The following SMYD4 variants were observed in gnomAD, a reference collection of about 807,000 sequenced individuals.
The protein encoded by SMYD4 is SET and MYND domain containing 4.
A neutral mutation model predicts 72.8 loss-of-function variants in SMYD4; 68 were observed. The ratio of observed to expected loss-of-function variants is 0.93; its 90% CI spans 0.77 to 1.14. The LOEUF (loss-of-function observed/expected upper bound fraction) is 1.14, where lower values mean the gene tolerates loss of function less well. Ranked by LOEUF, SMYD4 falls within the 50% of genes most tolerant of loss-of-function variation. The pLI, the probability that SMYD4 is intolerant of heterozygous loss-of-function variation, is 0.00. For synonymous variants in SMYD4, 407 were observed against 388.6 expected (o/e 1.05, Z -0.56); for missense variants, 984 against 1,003.7 (o/e 0.98, Z 0.27).
rs147436156 is a variant in SMYD4 at position 1,800,110 on chromosome 17, A to G, written c.1284T>C (p.Leu428=). The change falls in exon 5 of 11, where the codon CTT becomes CTC. Residue 428 remains leucine, a synonymous_variant. Transcript: ENST00000305513. ...GGCTATGGTTTTCAGTGTGGGGCAA[A>G]AGGTTGAAGACAGCATTATAATTAT... The part of the protein sequence containing the change: ...YENNYNAVFN[L]LPHTENHSPE... The G allele has an allele frequency of 2.5e-6, 4 of 1,610,982 alleles. No individual in the cohort carries two copies. In the African/African-American group the frequency reaches 5.3e-5, roughly 22 times the overall value.
At chr17:1,815,682 G>A (rs1160180141) in intron 2 of SMYD4, among the ~76,000 whole-genome samples, 1 of 145,638 alleles carries the variant, frequency 6.9e-6, no homozygotes, top group Admixed American at 7.0e-5. Context: ...AATTGAGGTA[G>A]TAAGATGGAA....
chr17:1,804,831 A>G (rs984741932), intron 3 of SMYD4, 116 bp from the exon 4 acceptor site: 3 of 970,828 alleles, frequency 3.1e-6, no homozygotes, highest in Admixed American at 2.1e-5. Context: ...AAAGTTACTG[A>G]ACCTCTTTGT....
intron 3 of SMYD4, among the ~76,000 whole-genome samples, chr17:1,809,386 T>A (rs930612355): frequency 7.2e-4 from 110 of 151,756 alleles, no homozygotes; most frequent in Middle Eastern, 3.4e-3. Flanking sequence ...TTATTATTTT[T>A]TTTTTTGAGA....
intron 5 of SMYD4, among the ~76,000 whole-genome samples, chr17:1,797,865 G>C (rs12944964): frequency 0.34 from 51,803 of 151,830 alleles, 11,367 homozygotes; most frequent in Non-Finnish European, 0.5. Context: ...AGCTGGGCGT[G>C]GGGGTGCACG....
At chr17:1,812,790 C>G (rs1910401210) in intron 2 of SMYD4, among the ~76,000 whole-genome samples, 1 of 152,008 alleles carries the variant, frequency 6.6e-6, no homozygotes, top group African/African-American at 2.4e-5. Context: ...CTCAAATGGT[C>G]CACCTGCCTC....
chr17:1,787,765 G>A (rs1367562521), intron 5 of SMYD4, among the ~76,000 whole-genome samples, 161 bp from the exon 6 acceptor site: 3 of 152,168 alleles, frequency 2.0e-5, no homozygotes, highest in Non-Finnish European at 4.4e-5. Context: ...ATGACTCACG[G>A]CAAGCTCCAG....
chr17:1,783,567 G>A (rs1051292148), intron 8 of SMYD4, 91 bp from the exon 9 acceptor site: 2 of 1,512,064 alleles, frequency 1.3e-6, no homozygotes, highest in African/African-American at 2.8e-5. Context: ...AATCAGCTGG[G>A]CTGAATGTGG....
chr17:1,800,848 G>A lies in SMYD4; in HGVS notation c.546C>T (p.Val182=), dbSNP rs746052108. ...GGTTTCTCTGCAGAGTCTGAGGGAG[G>A]ACATCTGCTAGGGCTGGTGTGGCTG... is the stretch of plus-strand genomic sequence containing the variant. ...NFTATPALAD[V]LPQTLQRNLH... Residue 182 remains valine (V), a synonymous_variant, in exon 5 of 11, where the codon GTC becomes GTT. Coordinates refer to ENST00000305513, the MANE Select transcript of SMYD4 (RefSeq NM_052928.3). 1.9e-6 allele frequency: 3 copies of A among 1,614,046 alleles called. No homozygotes were observed. In the African/African-American group the frequency reaches 4.0e-5, roughly 22 times the overall value.
intron 2 of SMYD4, among the ~76,000 whole-genome samples, chr17:1,819,416 A>G (rs912460668): frequency 6.6e-6 from 1 of 152,160 alleles, no homozygotes; most frequent in Non-Finnish European, 1.5e-5. Context: ...TTGTTGCCTC[A>G]AATCAGGAGA....
rs372487882 is a variant in SMYD4, at chr17:1,789,746, A to C, written c.1538-2142T>G. Among the ~76,000 whole-genome samples, 947 of 108,088 alleles carry C rather than the reference A, an allele frequency of 8.8e-3. 6 individuals are homozygous for C. The highest frequency in any genetic ancestry group is 0.027 in the African/African-American group (885 of 33,388). 70.9% of individuals were successfully genotyped at this position (108,088 alleles called of 152,430 possible). ...CACCACTGCACTCCAGCCTGGGTGA[A>C]AGAGCGAGACTCTGTCTCAAAAAAA... On this transcript the variant is annotated intron_variant, in intron 5 of 10. Coordinates refer to ENST00000305513, the MANE Select transcript of SMYD4 (RefSeq NM_052928.3).
chr17:1,786,141 A>G (rs1908678417), intron 7 of SMYD4, among the ~76,000 whole-genome samples: 1 of 152,182 alleles, frequency 6.6e-6, no homozygotes, highest in Non-Finnish European at 1.5e-5. Flanking sequence ...CTCCAGCCAC[A>G]GTTCTCAGGT....
At chr17:1,788,803 A>G (rs1908846274) in intron 5 of SMYD4, among the ~76,000 whole-genome samples, 1 of 152,180 alleles carries the variant, frequency 6.6e-6, no homozygotes, top group African/African-American at 2.4e-5. Flanking sequence ...TAGCACTTTA[A>G]AAGTCCACCT....
At chr17:1,788,979 G>A (rs1338920455) in intron 5 of SMYD4, among the ~76,000 whole-genome samples, 1 of 152,158 alleles carries the variant, frequency 6.6e-6, no homozygotes, top group Non-Finnish European at 1.5e-5. Context: ...AACAAAACAG[G>A]TTGGAAGATA....
intron 2 of SMYD4, among the ~76,000 whole-genome samples, chr17:1,819,320 G>A (rs1279793851): frequency 6.6e-6 from 1 of 152,168 alleles, no homozygotes; most frequent in African/African-American, 2.4e-5. Flanking sequence ...TTGTGCCACT[G>A]CACTCCAGCC....
At chr17:1,803,363 C>T (rs7216701) in intron 4 of SMYD4, among the ~76,000 whole-genome samples, 54,685 of 152,058 alleles carry the variant, frequency 0.36, 11,258 homozygotes, top group African/African-American at 0.57. Context: ...TTATTTAAAG[C>T]AGCAAACAGT....
Position 1,792,094 on chromosome 17 carries a change from G to C in SMYD4, c.1538-4490C>G, listed in dbSNP as rs557884246. Among the ~76,000 whole-genome samples the C allele has an allele frequency of 2.8e-3, 419 of 151,306 alleles. 3 individuals carry two copies. Among genetic ancestry groups the C allele is most frequent in the African/African-American group, 9.9e-3 (406 of 41,180 alleles). Reference sequence around the variant, plus strand: ...CGCTCTGTCGCCCAGGCTGGAGTGAGTGCAGGGGCGCGATCGCGGCTCAGT... The same window carrying C: ...CGCTCTGTCGCCCAGGCTGGAGTGACTGCAGGGGCGCGATCGCGGCTCAGT... On this transcript the variant is annotated intron_variant, in intron 5 of 10. Transcript: ENST00000305513.
chr17:1,828,598 TC>T (rs141188267), intron 1 of SMYD4, among the ~76,000 whole-genome samples: 11,538 of 90,176 alleles, frequency 0.13, 673 homozygotes, highest in African/African-American at 0.18. Context: ...TCTTAGATCC[TC>T]TTTTTTTTTT....
At chr17:1,805,324 A>G (rs927523699) in intron 3 of SMYD4, among the ~76,000 whole-genome samples, 1 of 152,164 alleles carries the variant, frequency 6.6e-6, no homozygotes, top group Non-Finnish European at 1.5e-5. Flanking sequence ...AGGCTGAGGC[A>G]TGAGAATGGC....
intron 10 of SMYD4, chr17:1,782,783 TTG>T: frequency 1.7e-5 from 4 of 239,112 alleles, no homozygotes; most frequent in Non-Finnish European, 1.6e-5. Flanking sequence ...TTTTTTTTTT[TTG>T]AGATGGAGTC....
Sources: gnomAD v4.1 joint callset for allele counts (sites outside exome capture counted in the v4.1 genomes callset) on GRCh38, gnomAD v4.1.1 for gene constraint, MANE v1.5 for transcripts, NCBI Gene and HGNC (gene_info 2026-07-23, HGNC 2026-07-21) for gene names.